Variants in PCDHGA7 observed in about 807,000 individuals in gnomAD.
The protein encoded by PCDHGA7 is protocadherin gamma subfamily A, 7.
In PCDHGA7, 44 loss-of-function variants were observed where a neutral mutation model predicts 58.3. The ratio of observed to expected loss-of-function variants is 0.75; its 90% CI spans 0.59 to 0.97. The LOEUF (loss-of-function observed/expected upper bound fraction) is 0.97, where lower values mean the gene tolerates loss of function less well. PCDHGA7 is among the 50% of genes least tolerant of loss of function. The pLI is 0.00. For synonymous variants in PCDHGA7, 516 were observed against 504.2 expected (o/e 1.02, Z -0.31); for missense variants, 1,266 against 1,188.7 (o/e 1.06, Z -0.96).
chr5:141,388,923 T>C (rs374663443), intron 1 of PCDHGA7: 7 of 1,614,002 alleles, frequency 4.3e-6, no homozygotes, highest in East Asian at 2.2e-5. Context: ...AGAAGTGATA[T>C]TCCAGTCTCT....
chr5:141,410,358 T>C, intron 1 of PCDHGA7: 2 of 1,614,070 alleles, frequency 1.2e-6, no homozygotes, highest in Non-Finnish European at 8.5e-7. Flanking sequence ...CGACGCTCTC[T>C]CAGCCCTGCT....
rs750397953 is a variant in PCDHGA7 at position 141,409,543 on chromosome 5, C to CA, written c.2424+24222dup. 2.4e-5 allele frequency: 38 copies of CA among 1,613,884 alleles called. No individual in the cohort carries two copies. The South Asian group carries it at 4.1e-4, about 17-fold the overall frequency. On this transcript the variant is annotated intron_variant, in intron 1 of 3. Transcript: ENST00000518325. ...CCTTGTATGTCGCTGACATCAACGACAACGCCCCAGTTTTCGACCAGACGT... is the reference window on the plus strand; with the variant it reads ...CCTTGTATGTCGCTGACATCAACGACAAACGCCCCAGTTTTCGACCAGACGT...
At position 141,383,844 on chromosome 5, in the gene PCDHGA7, T is replaced by C. The variant is rs569088165; in HGVS notation, c.945T>C (p.Tyr315=). The C allele has an allele frequency of 2.5e-6, 4 of 1,613,924 alleles. No homozygotes were observed. The highest frequency in any genetic ancestry group is 3.4e-6 in the Non-Finnish European group (4 of 1,179,864). Residue 315 remains tyrosine (Y), a synonymous_variant, in exon 1 of 4, where the codon TAT becomes TAC. Transcript: ENST00000518325. The stretch of plus-strand genomic sequence containing the variant: ...TAGATTATGAAGAAACTGCCTTCTA[T>C]GAAATGGAGGTTCAGGCTCAAGATG... ...EGLDYEETAF[Y]EMEVQAQDGP...
At chr5:141,413,118 G>A (rs999214227) in intron 1 of PCDHGA7, 4 of 1,517,034 alleles carry the variant, frequency 2.6e-6, no homozygotes, top group Admixed American at 4.3e-5. Flanking sequence ...CAAAGGAACC[G>A]GTTGAAACAC....
At chr5:141,394,861 A>G in intron 1 of PCDHGA7, 1 of 1,613,390 alleles carries the variant, frequency 6.2e-7, no homozygotes. Flanking sequence ...CCTTCGGTCG[A>G]CCCGAACGAT....
In PCDHGA7 at chr5:141,430,383, GAA is replaced by G. The variant is rs139772145; in HGVS notation, c.2424+45072_2424+45073del. Among the ~76,000 whole-genome samples the G allele has an allele frequency of 1.3e-3, 180 of 138,574 alleles. 1 individual carries two copies. Among genetic ancestry groups the G allele is most frequent in the African/African-American group, 4.5e-3 (169 of 37,858 alleles). 90.9% of individuals were successfully genotyped at this position (138,574 alleles called of 152,430 possible). A position where few individuals can be genotyped will look rare whatever the true frequency, so the allele number is the denominator to read the frequency against. On this transcript the variant is annotated intron_variant, in intron 1 of 3. Coordinates refer to ENST00000518325, the MANE Select transcript of PCDHGA7 (RefSeq NM_018920.4). ...CATTGGGGAAAAAAAAGCTCATTGG[GAA>G]AAAAAAAAAAAGCTCACTAAAGTTT...
intron 1 of PCDHGA7, among the ~76,000 whole-genome samples, chr5:141,401,278 G>T (rs1355696847): frequency 6.6e-6 from 1 of 152,160 alleles, no homozygotes; most frequent in Non-Finnish European, 1.5e-5. Context: ...GCAGGTGGAG[G>T]TTGCGGTGAG....
chr5:141,478,102 C>T, intron 1 of PCDHGA7: 1 of 1,614,126 alleles, frequency 6.2e-7, no homozygotes, highest in South Asian at 1.1e-5. Flanking sequence ...CTGCTACCCT[C>T]ACTGTGTCAG....
In PCDHGA7 at chr5:141,456,564, A is replaced by G. The variant is rs1174191537; in HGVS notation, c.2425-38243A>G. ...TTGTAGCCACTCGGGGCTGAAGCCC[A>G]CATTTTCCCTGAGCCTGTCAATAAT... On this transcript the variant is annotated intron_variant, in intron 1 of 3. Coordinates refer to ENST00000518325, the MANE Select transcript of PCDHGA7 (RefSeq NM_018920.4). Among the ~76,000 whole-genome samples the G allele has an allele frequency of 2.6e-5, 4 of 152,338 alleles. No individual in the cohort carries two copies. The South Asian group carries it at 6.2e-4, about 24-fold the overall frequency.
At chr5:141,426,487 G>A (rs999549044) in intron 1 of PCDHGA7, 2 of 333,788 alleles carry the variant, frequency 6.0e-6, no homozygotes, top group African/African-American at 4.3e-5. Context: ...AAACCTTAGA[G>A]TTAGTGCAGA....
At chr5:141,410,063 C>CTGCGCACTGGGGAGG (rs2095353294) in intron 1 of PCDHGA7, 2 of 1,612,972 alleles carry the variant, frequency 1.2e-6, no homozygotes, top group Non-Finnish European at 1.7e-6. Context: ...CAGCCTGGGG[C>CTGCGCACTGGGGAGG]TGCGCACTGG....
chr5:141,478,509 G>C, intron 1 of PCDHGA7: 1 of 1,611,878 alleles, frequency 6.2e-7, no homozygotes, highest in Non-Finnish European at 8.5e-7. Context: ...GTGTTCTATA[G>C]GCAGGTGTTG....
chr5:141,408,362 C>T (rs773344794), intron 1 of PCDHGA7: 36 of 1,613,850 alleles, frequency 2.2e-5, no homozygotes, highest in Non-Finnish European at 3.1e-5. Flanking sequence ...CGCTAAGGAT[C>T]TAGGGCTCAG....
At chr5:141,395,431 C>T (rs929194882) in intron 1 of PCDHGA7, 19 of 702,102 alleles carry the variant, frequency 2.7e-5, no homozygotes, top group Non-Finnish European at 4.0e-5. Context: ...TGCTTTTAAA[C>T]GACTTGGAAA....
At chr5:141,508,096 G>A (rs1489615862) in intron 3 of PCDHGA7, 1 of 152,476 alleles carries the variant, frequency 6.6e-6, no homozygotes, top group African/African-American at 2.4e-5. Context: ...CCTTGGCCCT[G>A]GGATGGGGTA....
rs1316631653 is a variant in PCDHGA7 at position 141,388,751 on chromosome 5, A to G, written c.2424+3428A>G. The G allele has an allele frequency of 4.3e-6, 7 of 1,613,980 alleles. No homozygotes were observed. In the Admixed American group the frequency reaches 5.0e-5, roughly 12 times the overall value. ...TCAGTGAAGCTAGCCAGATCACCCAATTTGACCTGAACTCTAACACCGGGG... is the reference window on the plus strand; with the variant it reads ...TCAGTGAAGCTAGCCAGATCACCCAGTTTGACCTGAACTCTAACACCGGGG... On this transcript the variant is annotated intron_variant, in intron 1 of 3. Coordinates refer to ENST00000518325, the MANE Select transcript of PCDHGA7 (RefSeq NM_018920.4).
chr5:141,418,151 G>T, intron 1 of PCDHGA7: 1 of 1,614,108 alleles, frequency 6.2e-7, no homozygotes, highest in Non-Finnish European at 8.5e-7. Flanking sequence ...AATATGCAAA[G>T]AGAGAAGAAG....
chr5:141,482,380 C>A (rs2099557573), intron 1 of PCDHGA7, among the ~76,000 whole-genome samples: 1 of 151,712 alleles, frequency 6.6e-6, no homozygotes, highest in Non-Finnish European at 1.5e-5. Context: ...ATATAAAGTC[C>A]CTGTATGGAG....
Position 141,487,059 on chromosome 5 carries a change from G to A in PCDHGA7, c.2425-7748G>A, listed in dbSNP as rs760836605. 1.7e-5 allele frequency: 27 copies of A among 1,613,952 alleles called. No homozygotes were observed. Among genetic ancestry groups the A allele is most frequent in the Non-Finnish European group, 2.0e-5 (24 of 1,179,994 alleles). On this transcript the variant is annotated intron_variant, in intron 1 of 3. Transcript: ENST00000518325. This position sits in a 1 kb window ranked among gnomAD's most constrained non-coding sequence, Gnocchi z 5.0. ...GTCTCTCGATATGCTGGGGAGGTGC[G>A]GACGGCTGTTCCTATCCCAGCTGAC...
Sources: allele counts gnomAD v4.1 joint callset (sites outside exome capture counted in the v4.1 genomes callset), GRCh38; gene constraint gnomAD v4.1.1; non-coding constraint Gnocchi (gnomAD v3.1); transcripts MANE v1.5; gene names NCBI Gene and HGNC (gene_info 2026-07-23, HGNC 2026-07-21).